ZNF385D: variants seen among roughly 807,000 people sequenced by gnomAD.
The protein encoded by ZNF385D is zinc finger protein 659.
A neutral mutation model predicts 35.8 loss-of-function variants in ZNF385D; 15 were observed. The observed-to-expected ratio is 0.42, with a 90% CI of 0.28 to 0.64. The LOEUF (loss-of-function observed/expected upper bound fraction) is 0.64. ZNF385D is among the 30% of genes least tolerant of loss of function. The pLI, the probability that ZNF385D is intolerant of heterozygous loss-of-function variation, is 0.23. For synonymous variants in ZNF385D, 212 were observed against 186.8 expected, an observed-to-expected ratio of 1.13 and a Z score of -1.10; for missense variants, 474 against 494.6, an observed-to-expected ratio of 0.96 and a Z score of 0.39.
At chr3:21,584,933 C>T (rs1198487995) in intron 2 of ZNF385D, among the ~76,000 whole-genome samples, 2 of 152,186 alleles carry the variant, frequency 1.3e-5, no homozygotes, top group Non-Finnish European at 2.9e-5. Flanking sequence ...ATCCCAAACA[C>T]CTCTGGTCTT....
intron 1 of ZNF385D, among the ~76,000 whole-genome samples, chr3:21,739,587 G>A (rs773191342): frequency 3.9e-5 from 6 of 151,998 alleles, no homozygotes; most frequent in African/African-American, 9.7e-5. Flanking sequence ...CCTAAGCAGC[G>A]AACAAAAAAA....
intron 3 of ZNF385D, among the ~76,000 whole-genome samples, chr3:21,885,838 T>G (rs531648263): frequency 5.1e-4 from 77 of 151,704 alleles, no homozygotes; most frequent in Non-Finnish European, 9.1e-4. Context: ...GAAGGCTCTG[T>G]GAGTCTGAAA....
intron 3 of ZNF385D, among the ~76,000 whole-genome samples, chr3:22,063,180 G>A (rs1488813691): frequency 6.6e-6 from 1 of 151,994 alleles, no homozygotes; most frequent in African/African-American, 2.4e-5. Flanking sequence ...TAACCTTTCT[G>A]AACTTCAGTT....
intron 3 of ZNF385D, among the ~76,000 whole-genome samples, chr3:22,095,866 A>G (rs1178150587): frequency 6.6e-6 from 1 of 151,762 alleles, no homozygotes; most frequent in Admixed American, 6.6e-5. Flanking sequence ...ATATATATAT[A>G]TACTATGCTT....
chr3:22,277,705 GA>G (rs1218818873), intron 2 of ZNF385D, among the ~76,000 whole-genome samples: 1 of 152,096 alleles, frequency 6.6e-6, no homozygotes, highest in Non-Finnish European at 1.5e-5. Flanking sequence ...TAGAAGATAT[GA>G]AGGAAACTGC....
In ZNF385D at chr3:21,416,680, G is replaced by T. The variant is rs1306499126; in HGVS notation, c.*4534C>A. The T allele has an allele frequency of 6.6e-6, 1 of 152,088 alleles. No individual in the cohort carries two copies. The highest frequency in any genetic ancestry group is 1.5e-5 in the Non-Finnish European group (1 of 68,016). 9.4% of individuals were successfully genotyped at this position (152,088 alleles called of 1,614,324 possible). A position where few individuals can be genotyped will look rare whatever the true frequency, so the allele number is the denominator to read the frequency against. On this transcript the variant is annotated 3_prime_UTR_variant, in exon 8 of 8. Transcript: ENST00000281523. ...AAGTCAGGTAAAACTTTCACTGTTA[G>T]GACTCAGTTTAAATAATTCCTGTAA...
Position 21,703,531 on chromosome 3 carries a change from T to C in ZNF385D, c.23-38503A>G, listed in dbSNP as rs140135144. Among the ~76,000 whole-genome samples the C allele has an allele frequency of 4.1e-3, 626 of 152,228 alleles. 7 individuals are homozygous for C. Among genetic ancestry groups the C allele is most frequent in the African/African-American group, 0.014 (573 of 41,540 alleles). On this transcript the variant is annotated intron_variant, in intron 1 of 7. Coordinates refer to ENST00000281523, the MANE Select transcript of ZNF385D (RefSeq NM_024697.3). ...CTTCCCAATCATTGTAAATAACCCCTCTATTAAAATGTTTTCCATTACACA... is the reference window on the plus strand; with the variant it reads ...CTTCCCAATCATTGTAAATAACCCCCCTATTAAAATGTTTTCCATTACACA...
intron 3 of ZNF385D, among the ~76,000 whole-genome samples, chr3:21,944,682 A>G (rs757935473): frequency 7.9e-5 from 12 of 152,144 alleles, no homozygotes; most frequent in Admixed American, 2.0e-4. Context: ...GAAACGTTAA[A>G]TTTCTTAACT....
chr3:21,928,448 A>G (rs988115877), intron 3 of ZNF385D, among the ~76,000 whole-genome samples: 2 of 151,544 alleles, frequency 1.3e-5, no homozygotes, highest in Non-Finnish European at 2.9e-5. Context: ...AGAGGGAGAG[A>G]GCGAAGGAAT....
At chr3:22,338,594 A>C (rs1018977647) in intron 2 of ZNF385D, among the ~76,000 whole-genome samples, 4 of 152,052 alleles carry the variant, frequency 2.6e-5, no homozygotes, top group African/African-American at 9.7e-5. Context: ...TTTTCTATTC[A>C]TATTTTGAGA....
At chr3:22,278,160 AC>A (rs1421795756) in intron 2 of ZNF385D, among the ~76,000 whole-genome samples, 5 of 152,102 alleles carry the variant, frequency 3.3e-5, no homozygotes, top group Admixed American at 1.3e-4. Context: ...ATGGCCTACA[AC>A]AGTATCAAGA....
chr3:22,122,647 A>G lies in ZNF385D; in HGVS notation c.325+46170T>C, dbSNP rs192205848. 1.2e-3 allele frequency among the ~76,000 whole-genome samples: 176 copies of G among 152,308 alleles called. 1 individual carries two copies. The highest frequency in any genetic ancestry group is 3.9e-3 in the African/African-American group (164 of 41,590). ...AGTGTCATATAGGGTTTCTTGAATAATAAGTTCTATGGAAGAAAGAAGAAC... is the reference window on the plus strand; with the variant it reads ...AGTGTCATATAGGGTTTCTTGAATAGTAAGTTCTATGGAAGAAAGAAGAAC... On this transcript the variant is annotated intron_variant, in intron 3 of 5. Transcript: ENST00000494108.
At chr3:21,746,101 G>A (rs899143594) in intron 1 of ZNF385D, among the ~76,000 whole-genome samples, 1 of 152,134 alleles carries the variant, frequency 6.6e-6, no homozygotes, top group African/African-American at 2.4e-5. Flanking sequence ...TCTTATCAAC[G>A]GAGCGTTCAG....
intron 2 of ZNF385D, among the ~76,000 whole-genome samples, chr3:22,172,339 G>A (rs150889442): frequency 6.6e-6 from 1 of 152,248 alleles, no homozygotes; most frequent in Admixed American, 6.5e-5. Flanking sequence ...AGACTCACAG[G>A]AATAATTAAA....
chr3:21,830,089 A>C (rs1694892235), intron 3 of ZNF385D, among the ~76,000 whole-genome samples: 1 of 151,946 alleles, frequency 6.6e-6, no homozygotes, highest in African/African-American at 2.4e-5. Context: ...TCACTACTGC[A>C]TTCCAGCCTG....
At chr3:21,947,042 G>C (rs1356269210) in intron 3 of ZNF385D, among the ~76,000 whole-genome samples, 3 of 152,050 alleles carry the variant, frequency 2.0e-5, no homozygotes, top group African/African-American at 7.2e-5. Flanking sequence ...AATGTCTTGT[G>C]AATCTATGAT....
chr3:22,087,366 T>C (rs1701100660), intron 3 of ZNF385D, among the ~76,000 whole-genome samples: 1 of 152,208 alleles, frequency 6.6e-6, no homozygotes, highest in Non-Finnish European at 1.5e-5. Flanking sequence ...AAAAAGATGA[T>C]ATTACTCAGT....
At chr3:22,321,677 A>T (rs1694442204) in intron 2 of ZNF385D, among the ~76,000 whole-genome samples, 2 of 152,060 alleles carry the variant, frequency 1.3e-5, no homozygotes, top group Non-Finnish European at 2.9e-5. Context: ...GTCTATATGT[A>T]TTTAATGTAA....
chr3:22,232,859 A>C (rs1698976085), intron 2 of ZNF385D, among the ~76,000 whole-genome samples: 1 of 152,206 alleles, frequency 6.6e-6, no homozygotes, highest in Non-Finnish European at 1.5e-5. Context: ...TTCTCTCTGC[A>C]CAATTCTTGA....
Sources: allele counts gnomAD v4.1 joint callset (sites outside exome capture counted in the v4.1 genomes callset), GRCh38; gene constraint gnomAD v4.1.1; transcripts MANE v1.5; gene names NCBI Gene and HGNC (gene_info 2026-07-23, HGNC 2026-07-21).